The following NTRK2 variants were observed in gnomAD, a reference collection of about 807,000 sequenced individuals.
NTRK2 encodes BDNF/NT-3 growth factors receptor.
Under a neutral mutation model 94.5 loss-of-function variants are expected in NTRK2, and 13 were observed. The ratio of observed to expected loss-of-function variants is 0.14; its 90% CI spans 0.09 to 0.22. NTRK2 has a LOEUF of 0.22. Ranked by LOEUF, NTRK2 falls within the 10% of genes least tolerant of loss-of-function variation. The pLI is 1.00. For synonymous variants in NTRK2, 372 were observed against 407.4 expected, an observed-to-expected ratio of 0.91 and a Z score of 1.05; for missense variants, 639 against 1,071.2, an observed-to-expected ratio of 0.60 and a Z score of 5.63.
intron 12 of NTRK2, among the ~76,000 whole-genome samples, chr9:84,826,794 C>A (rs907093779): frequency 5.9e-5 from 9 of 152,146 alleles, no homozygotes; most frequent in Non-Finnish European, 1.0e-4. Context: ...CTATTACCAC[C>A]ACTCATTCAT....
At chr9:84,895,002 G>A (rs1250921714) in intron 14 of NTRK2, among the ~76,000 whole-genome samples, 1 of 152,080 alleles carries the variant, frequency 6.6e-6, no homozygotes. Flanking sequence ...ATAACCCTTA[G>A]ATAATAGGGC....
At chr9:84,737,796 G>A (rs141066653) in intron 9 of NTRK2, among the ~76,000 whole-genome samples, 81 of 148,668 alleles carry the variant, frequency 5.4e-4, no homozygotes, top group Admixed American at 8.6e-4. Flanking sequence ...CCCCCCATCC[G>A]TCTCTCTCCA....
chr9:84,908,370 C>T (rs1435686438), intron 14 of NTRK2, among the ~76,000 whole-genome samples: 1 of 152,166 alleles, frequency 6.6e-6, no homozygotes, highest in African/African-American at 2.4e-5. Flanking sequence ...GTCTTTAAAA[C>T]TTTTCTACAA....
At chr9:84,996,875 G>A (rs1829812253) in intron 17 of NTRK2, among the ~76,000 whole-genome samples, 1 of 152,228 alleles carries the variant, frequency 6.6e-6, no homozygotes, top group Non-Finnish European at 1.5e-5. Context: ...AGCAGGCTTA[G>A]CTAGATTTTC....
At chr9:84,779,308 G>A (rs1006083148) in intron 12 of NTRK2, among the ~76,000 whole-genome samples, 2 of 151,870 alleles carry the variant, frequency 1.3e-5, no homozygotes, top group Non-Finnish European at 2.9e-5. Context: ...ACACACCCAC[G>A]TCCAAGGGGG....
intron 12 of NTRK2, among the ~76,000 whole-genome samples, chr9:84,760,378 A>T (rs1278257564): frequency 6.6e-6 from 1 of 152,212 alleles, no homozygotes; most frequent in Non-Finnish European, 1.5e-5. Context: ...AAAATATTAT[A>T]GGGTGATTCT....
At chr9:84,799,787 G>C (rs2070168427) in intron 12 of NTRK2, among the ~76,000 whole-genome samples, 1 of 152,026 alleles carries the variant, frequency 6.6e-6, no homozygotes, top group South Asian at 2.1e-4. Flanking sequence ...GGGTGGGAGA[G>C]GTGAGATGAA....
intron 2 of NTRK2, among the ~76,000 whole-genome samples, chr9:84,701,413 T>A (rs1275957486): frequency 6.6e-6 from 1 of 152,170 alleles, no homozygotes; most frequent in African/African-American, 2.4e-5. Context: ...ATTTATTTAA[T>A]CTCGGGGAAG....
rs2132880138 is a variant in NTRK2, at chr9:84,948,448, A to C, written c.1765-14A>C. ...CCACTGAAGTAATCCTTCTCTTTTA[A>C]CACCCATCCCCAGACCCTGAAGGAT... On this transcript the variant is annotated splice_polypyrimidine_tract_variant and intron_variant, in intron 15 of 18. Transcript: ENST00000277120. The C allele has an allele frequency of 6.2e-7, 1 of 1,613,882 alleles. No individual in the cohort carries two copies. The highest frequency in any genetic ancestry group is 8.5e-7 in the Non-Finnish European group (1 of 1,179,878).
At chr9:84,976,742 A>G (rs1181359222) in intron 17 of NTRK2, among the ~76,000 whole-genome samples, 2 of 152,190 alleles carry the variant, frequency 1.3e-5, no homozygotes, top group African/African-American at 4.8e-5. Context: ...AAAAAACTAT[A>G]AACACAACTA....
chr9:84,762,225 T>A (rs143865533), intron 12 of NTRK2, among the ~76,000 whole-genome samples: 8 of 152,114 alleles, frequency 5.3e-5, no homozygotes, highest in African/African-American at 1.9e-4. Context: ...AACAGACTAA[T>A]AAACAAGGGT....
chr9:84,926,349 C>G lies in NTRK2; in HGVS notation c.1634-7813C>G, dbSNP rs574460607. On this transcript the variant is annotated intron_variant, in intron 14 of 18. Coordinates refer to ENST00000277120, the MANE Select transcript of NTRK2 (RefSeq NM_006180.6). ...CCGGGTTCAAGCGATTCTCCTGCCT[C>G]AGACTCCCAAGTAGCTGGGATTACA... Among the ~76,000 whole-genome samples the G allele has an allele frequency of 6.3e-4, 96 of 152,056 alleles. 1 individual carries two copies. The highest frequency in any genetic ancestry group is 2.3e-3 in the African/African-American group (94 of 41,450).
chr9:84,876,096 A>AT, intron 14 of NTRK2: 2 of 1,034,942 alleles, frequency 1.9e-6, no homozygotes, highest in Non-Finnish European at 2.3e-6. Context: ...TAATTAACAC[A>AT]TTTTTTAACC....
intron 14 of NTRK2, among the ~76,000 whole-genome samples, chr9:84,931,722 A>C (rs2078038873): frequency 6.6e-6 from 1 of 151,488 alleles, no homozygotes; most frequent in Non-Finnish European, 1.5e-5. Context: ...AATGCAAAAA[A>C]AAAAAAAACA....
intron 12 of NTRK2, among the ~76,000 whole-genome samples, chr9:84,816,242 C>T (rs1008964554): frequency 1.3e-5 from 2 of 152,078 alleles, no homozygotes; most frequent in Non-Finnish European, 2.9e-5. Flanking sequence ...GCATGGTGCC[C>T]ACACTTCATG....
At chr9:84,813,181 G>A (rs2072003461) in intron 12 of NTRK2, 1 of 1,047,622 alleles carries the variant, frequency 9.5e-7, no homozygotes, top group African/African-American at 1.7e-5. Context: ...TTCAATGCCA[G>A]GCAGGTCTCC....
At chr9:84,810,926 C>T in intron 12 of NTRK2, 1 of 1,174,666 alleles carries the variant, frequency 8.5e-7, no homozygotes, top group Non-Finnish European at 1.1e-6. Flanking sequence ...CTTTTTGACC[C>T]TACTGGACAT....
At chr9:85,004,047 G>GAAAGAAAGAAAGAAAGAAAGAAAAGAAA (rs1564542231) in intron 17 of NTRK2, among the ~76,000 whole-genome samples, 35 of 39,628 alleles carry the variant, frequency 8.8e-4, no homozygotes, top group Non-Finnish European at 1.1e-3. Context: ...GAAAGAAAGG[G>GAAAGAAAGAAAGAAAGAAAGAAAAGAAA]AGAAAGAGAA....
chr9:84,958,991 A>T (rs571489982), intron 17 of NTRK2, among the ~76,000 whole-genome samples: 43 of 152,168 alleles, frequency 2.8e-4, no homozygotes, highest in African/African-American at 9.7e-4. Context: ...TACATCAGTC[A>T]TCCACCTATT....
Sources: gnomAD v4.1 joint callset for allele counts (sites outside exome capture counted in the v4.1 genomes callset) on GRCh38, gnomAD v4.1.1 for gene constraint, MANE v1.5 for transcripts, NCBI Gene and HGNC (gene_info 2026-07-23, HGNC 2026-07-21) for gene names.